The following RABGAP1L variants were observed in gnomAD, a reference collection of about 807,000 sequenced individuals.
The protein encoded by RABGAP1L is rab GTPase-activating protein 1-like.
In RABGAP1L, 63 loss-of-function variants were observed where a neutral mutation model predicts 137.7. The observed-to-expected ratio is 0.46, with a 90% CI of 0.37 to 0.56. RABGAP1L has a LOEUF of 0.56. Among genes scored for constraint, RABGAP1L ranks in the 20% least tolerant of loss-of-function variants. The pLI is 0.00. For synonymous variants in RABGAP1L, 431 were observed against 433.7 expected (o/e 0.99, Z 0.08); for missense variants, 1,095 against 1,244.0 (o/e 0.88, Z 1.80).
intron 13 of RABGAP1L, among the ~76,000 whole-genome samples, chr1:174,444,909 GT>G (rs545839559): frequency 3.3e-5 from 5 of 151,844 alleles, no homozygotes; most frequent in Middle Eastern, 3.4e-3. Flanking sequence ...ATCTTTTTAT[GT>G]TTTTTAGGAC....
chr1:174,680,861 T>G (rs902017757), intron 14 of RABGAP1L, among the ~76,000 whole-genome samples: 3 of 151,920 alleles, frequency 2.0e-5, no homozygotes, highest in African/African-American at 7.2e-5. Context: ...CACACCAGCC[T>G]GGGTGTCAGA....
At chr1:174,834,725 C>T (rs1260952450) in intron 19 of RABGAP1L, among the ~76,000 whole-genome samples, 1 of 150,096 alleles carries the variant, frequency 6.7e-6, no homozygotes, top group African/African-American at 2.5e-5. Context: ...TTTTTATATG[C>T]AAATACATTT....
chr1:174,436,767 C>T (rs927779545), intron 13 of RABGAP1L, among the ~76,000 whole-genome samples: 3 of 152,174 alleles, frequency 2.0e-5, no homozygotes, highest in Non-Finnish European at 2.9e-5. Context: ...GGCAGACTGC[C>T]TCCTCAAGTG....
At chr1:174,588,925 C>G (rs1215863388) in intron 13 of RABGAP1L, among the ~76,000 whole-genome samples, 8 of 152,298 alleles carry the variant, frequency 5.3e-5, no homozygotes, top group Non-Finnish European at 8.8e-5. Flanking sequence ...GTGCAGATAT[C>G]TCTTCAACAT....
intron 13 of RABGAP1L, among the ~76,000 whole-genome samples, chr1:174,621,182 C>T (rs1672427270): frequency 6.6e-6 from 1 of 152,070 alleles, no homozygotes; most frequent in African/African-American, 2.4e-5. Flanking sequence ...AACTACAAAC[C>T]ACTGCTCAAG....
At chr1:174,722,489 G>C (rs1217206442) in intron 17 of RABGAP1L, among the ~76,000 whole-genome samples, 1 of 150,288 alleles carries the variant, frequency 6.7e-6, no homozygotes, top group Non-Finnish European at 1.5e-5. Flanking sequence ...CACTCTTGTT[G>C]CCCAGGCTGG....
intron 4 of RABGAP1L, among the ~76,000 whole-genome samples, chr1:174,238,053 T>G (rs1671374018): frequency 6.6e-6 from 1 of 152,114 alleles, no homozygotes; most frequent in South Asian, 2.1e-4. Context: ...TTTCTTCCAG[T>G]TGATCGCATC....
intron 14 of RABGAP1L, among the ~76,000 whole-genome samples, chr1:174,651,495 C>G (rs1468834603): frequency 6.6e-6 from 1 of 152,136 alleles, no homozygotes; most frequent in Non-Finnish European, 1.5e-5. Flanking sequence ...TCACTCAGGA[C>G]TTGCTTTATG....
chr1:174,247,613 C>G (rs1192118937), intron 5 of RABGAP1L, among the ~76,000 whole-genome samples: 1 of 152,186 alleles, frequency 6.6e-6, no homozygotes, highest in African/African-American at 2.4e-5. Context: ...TGCCCTTGCC[C>G]CACATGTTCC....
chr1:174,683,978 A>G (rs1258008856), intron 15 of RABGAP1L, among the ~76,000 whole-genome samples: 1 of 152,170 alleles, frequency 6.6e-6, no homozygotes. Flanking sequence ...CCTGTCAGTT[A>G]CCTTCATTTG....
intron 13 of RABGAP1L, among the ~76,000 whole-genome samples, chr1:174,566,851 A>G (rs564217786): frequency 6.6e-6 from 1 of 152,244 alleles, no homozygotes; most frequent in South Asian, 2.1e-4. Flanking sequence ...TATTGGCCAC[A>G]GGTTTGAAAA....
intron 6 of RABGAP1L, 27 bp from the exon 7 acceptor site, chr1:174,252,453 A>T (rs1282302198): frequency 1.3e-6 from 2 of 1,592,888 alleles, no homozygotes; most frequent in Non-Finnish European, 1.7e-6. Context: ...GATTATTGGT[A>T]ATTCCTATTC....
chr1:174,315,078 T>C (rs1342975378), intron 11 of RABGAP1L, among the ~76,000 whole-genome samples: 2 of 152,162 alleles, frequency 1.3e-5, no homozygotes, highest in Non-Finnish European at 2.9e-5. Flanking sequence ...TGTCCAGTGC[T>C]CACAGTGGGG....
chr1:174,978,229 C>T (rs887752083), intron 22 of RABGAP1L, among the ~76,000 whole-genome samples: 2 of 152,154 alleles, frequency 1.3e-5, no homozygotes, highest in African/African-American at 4.8e-5. Context: ...GTGACTGTAA[C>T]AGGTACCTGC....
intron 21 of RABGAP1L, among the ~76,000 whole-genome samples, chr1:174,970,180 A>T (rs970647017): frequency 7.2e-5 from 11 of 152,340 alleles, no homozygotes; most frequent in East Asian, 1.9e-4. Context: ...GAGAAGTGGT[A>T]TGAGAAATAT....
intron 1 of RABGAP1L, among the ~76,000 whole-genome samples, chr1:174,209,599 C>G (rs979723851): frequency 2.0e-5 from 3 of 152,148 alleles, no homozygotes; most frequent in African/African-American, 7.2e-5. Flanking sequence ...ATTAGGTAGA[C>G]TTCTAGGTTT....
At chr1:174,882,948 G>C (rs1281543210) in intron 19 of RABGAP1L, among the ~76,000 whole-genome samples, 2 of 151,782 alleles carry the variant, frequency 1.3e-5, no homozygotes, top group Non-Finnish European at 2.9e-5. Context: ...TCGTCCTTTT[G>C]AGTAACTGGG....
At chr1:174,266,642 A>G (rs902763201) in intron 7 of RABGAP1L, among the ~76,000 whole-genome samples, 4 of 152,194 alleles carry the variant, frequency 2.6e-5, no homozygotes, top group African/African-American at 9.7e-5. Flanking sequence ...TTAGTGACCA[A>G]TCATGTCGCT....
At chr1:174,488,317 G>GT (rs138608926) in intron 13 of RABGAP1L, among the ~76,000 whole-genome samples, 290 of 146,832 alleles carry the variant, frequency 2.0e-3, no homozygotes, top group African/African-American at 3.1e-3. Context: ...CAGGATAAAA[G>GT]TTTTTTTTTT....
Sources: allele counts gnomAD v4.1 joint callset (sites outside exome capture counted in the v4.1 genomes callset), GRCh38; gene constraint gnomAD v4.1.1; transcripts MANE v1.5; gene names NCBI Gene and HGNC (gene_info 2026-07-23, HGNC 2026-07-21).